MTARC2: variants seen among roughly 807,000 people sequenced by gnomAD.
MTARC2 encodes the protein mitochondrial amidoxime reducing component 2, also known as MOCO sulphurase C-terminal domain containing 2.
Under a neutral mutation model 35.6 loss-of-function variants are expected in MTARC2, and 27 were observed. The observed-to-expected ratio is 0.76, with a 90% CI of 0.56 to 1.04. The LOEUF (loss-of-function observed/expected upper bound fraction) is 1.04. MTARC2 is among the 50% of genes least tolerant of loss of function. The pLI is 0.00. For synonymous variants in MTARC2, 158 were observed against 167.1 expected (o/e 0.95, Z 0.42); for missense variants, 412 against 432.5 (o/e 0.95, Z 0.42).
rs140866237 is a variant in MTARC2 at position 220,761,738 on chromosome 1, C to T, written c.527C>T (p.Ala176Val). Residue 176 changes from alanine (A) to valine (V), a missense_variant, in exon 3 of 8, where the codon GCG becomes GTG. Coordinates refer to ENST00000366913, the MANE Select transcript of MTARC2 (RefSeq NM_017898.5). ...KWFTNFLKTE[A>V]YRLVQFETNM... ...TTCACCAACTTCTTGAAAACTGAAG[C>T]GTATAGATTGGTTCAATTTGAGACA... is the stretch of plus-strand genomic sequence containing the variant. 87 of 1,614,034 alleles carry T rather than the reference C, an allele frequency of 5.4e-5. No homozygotes were observed. Among genetic ancestry groups the T allele is most frequent in the Non-Finnish European group, 6.4e-5 (76 of 1,179,980 alleles).
chr1:220,774,544 G>A (rs537047588), intron 4 of MTARC2, among the ~76,000 whole-genome samples: 3,616 of 152,312 alleles, frequency 0.024, 110 homozygotes, highest in African/African-American at 0.064. Flanking sequence ...ACCAGGAGCA[G>A]TGAAAGTGAG....
chr1:220,782,427 G>A (rs558555148), intron 7 of MTARC2, among the ~76,000 whole-genome samples: 2 of 152,122 alleles, frequency 1.3e-5, no homozygotes, highest in Non-Finnish European at 2.9e-5. Context: ...TGGTGACTGG[G>A]TCCTGAATCA....
intron 4 of MTARC2, among the ~76,000 whole-genome samples, chr1:220,772,446 A>G (rs1671771620): frequency 1.3e-5 from 2 of 152,240 alleles, no homozygotes; most frequent in African/African-American, 2.4e-5. Context: ...TTCTTAGTGT[A>G]TGGCATCCTG....
Position 220,748,786 on chromosome 1 carries a change from C to A in MTARC2, c.255C>A (p.Ser85Arg). Residue 85 changes from serine to arginine, a missense_variant, in exon 1 of 8, where the codon AGC becomes AGA. Transcript: ENST00000366913. ...EAECTAMGLR[S>R]GNLRDRFWLV... ...AGTGCACGGCCATGGGGCTGCGCAG[C>A]GGCAACCTGCGGGACAGGTACAGCA... The A allele has an allele frequency of 2.5e-6, 4 of 1,593,560 alleles. No individual in the cohort carries two copies. In the Middle Eastern group the frequency reaches 5.1e-4, roughly 202 times the overall value.
At chr1:220,762,854 T>G (rs1182027548) in intron 3 of MTARC2, 56 bp from the exon 4 acceptor site, 8 of 1,600,074 alleles carry the variant, frequency 5.0e-6, no homozygotes, top group Non-Finnish European at 6.0e-6. Flanking sequence ...GCTTTGTAGT[T>G]GGTCTAGGCC....
At position 220,772,700 on chromosome 1, in the gene MTARC2, T is replaced by TTGTG. The variant is rs371722709; in HGVS notation, c.751-7302_751-7299dup. The stretch of plus-strand genomic sequence containing the variant: ...CTGGGCAGGGTGTGTGTGTGTGTGT[T>TTGTG]TGTGTGTGTGTGTGTGTGTTTGGGG... On this transcript the variant is annotated intron_variant, in intron 4 of 7. Transcript: ENST00000366913. Among the ~76,000 whole-genome samples the TTGTG allele has an allele frequency of 7.5e-3, 1,118 of 148,708 alleles. 17 individuals carry two copies. Among genetic ancestry groups the TTGTG allele is most frequent in the African/African-American group, 0.026 (1,056 of 40,596 alleles).
chr1:220,780,055 T>A lies in MTARC2; in HGVS notation c.788T>A (p.Val263Glu), dbSNP rs1425227216. ...WDELLIGSVE[V>E]KKVMACPRCI... Reference sequence around the variant, plus strand: ...GAACTCCTAATTGGTAGTGTAGAAGTGAAAAAGGTAATGGCATGCCCCAGG... The same window carrying A: ...GAACTCCTAATTGGTAGTGTAGAAGAGAAAAAGGTAATGGCATGCCCCAGG... Residue 263 changes from valine to glutamate, a missense_variant, in exon 5 of 8, where the codon GTG becomes GAG. Transcript: ENST00000366913. The A allele has an allele frequency of 1.9e-6, 3 of 1,547,384 alleles. No homozygotes were observed. Among genetic ancestry groups the A allele is most frequent in the Non-Finnish European group, 2.6e-6 (3 of 1,156,900 alleles).
At chr1:220,778,554 C>A (rs1179896491) in intron 4 of MTARC2, among the ~76,000 whole-genome samples, 1 of 152,182 alleles carries the variant, frequency 6.6e-6, no homozygotes, top group Non-Finnish European at 1.5e-5. Flanking sequence ...TCTGTCCCGC[C>A]AGGTCCCACC....
chr1:220,768,329 G>GGA (rs1671641435), intron 4 of MTARC2, among the ~76,000 whole-genome samples: 1 of 152,198 alleles, frequency 6.6e-6, no homozygotes. Flanking sequence ...TGTACACATG[G>GGA]GAGAGTATTA....
intron 2 of MTARC2, among the ~76,000 whole-genome samples, chr1:220,760,707 C>A (rs1256658965): frequency 6.6e-6 from 1 of 152,126 alleles, no homozygotes; most frequent in Non-Finnish European, 1.5e-5. Context: ...GAAAACATTT[C>A]TTCACACTTG....
intron 1 of MTARC2, among the ~76,000 whole-genome samples, chr1:220,749,631 C>T (rs337187): frequency 6.6e-6 from 1 of 151,720 alleles, no homozygotes. Flanking sequence ...GGGTTTCACT[C>T]TGTTGACCAG....
chr1:220,778,510 A>G (rs917987075), intron 4 of MTARC2, among the ~76,000 whole-genome samples: 1 of 152,154 alleles, frequency 6.6e-6, no homozygotes, highest in Non-Finnish European at 1.5e-5. Context: ...GTGGTGCTAA[A>G]CCATTCATGA....
intron 4 of MTARC2, among the ~76,000 whole-genome samples, chr1:220,769,934 C>CAAAAAAAAAGAA (rs1671693351): frequency 1.6e-5 from 1 of 63,426 alleles, no homozygotes; most frequent in Non-Finnish European, 2.8e-5. Flanking sequence ...ACTAAAAATA[C>CAAAAAAAAAGAA]AAAAAAAAAA....
At position 220,748,702 on chromosome 1, in the gene MTARC2, G is replaced by A; in HGVS notation, c.171G>A (p.Val57=). Residue 57 remains valine (V), a synonymous_variant, in exon 1 of 8, where the codon GTG becomes GTA. Coordinates refer to ENST00000366913, the MANE Select transcript of MTARC2 (RefSeq NM_017898.5). ...RRRRLQQVGT[V]AKLWIYPVKS... ...GGCGGCTGCAGCAGGTGGGCACCGT[G>A]GCGAAGCTCTGGATCTACCCGGTGA... is the stretch of plus-strand genomic sequence containing the variant. The A allele has an allele frequency of 6.3e-7, 1 of 1,594,632 alleles. No homozygotes were observed. Among genetic ancestry groups the A allele is most frequent in the Non-Finnish European group, 8.5e-7 (1 of 1,171,262 alleles).
chr1:220,775,056 A>G (rs1439305146), intron 4 of MTARC2, among the ~76,000 whole-genome samples: 1 of 151,840 alleles, frequency 6.6e-6, no homozygotes, highest in Non-Finnish European at 1.5e-5. Context: ...TTTAAGTTTC[A>G]TACATCCAAT....
chr1:220,765,027 C>A (rs558395498), intron 4 of MTARC2, among the ~76,000 whole-genome samples: 1 of 152,108 alleles, frequency 6.6e-6, no homozygotes, highest in South Asian at 2.1e-4. Flanking sequence ...CAGTGTCAGA[C>A]GTGCTTTAGT....
At chr1:220,776,441 TATTA>T (rs570659711) in intron 4 of MTARC2, among the ~76,000 whole-genome samples, 6 of 152,126 alleles carry the variant, frequency 3.9e-5, no homozygotes, top group Non-Finnish European at 5.9e-5. Flanking sequence ...GTATATAATT[TATTA>T]TTTTAAATAA....
intron 1 of MTARC2, 144 bp from the exon 2 acceptor site, chr1:220,754,803 C>A: frequency 1.2e-6 from 1 of 812,672 alleles, no homozygotes; most frequent in Non-Finnish European, 1.9e-6. Flanking sequence ...ATCATTTGGC[C>A]AGACCTGGAT....
intron 4 of MTARC2, among the ~76,000 whole-genome samples, chr1:220,765,226 A>G (rs425473): frequency 0.35 from 53,740 of 151,924 alleles, 11,953 homozygotes; most frequent in East Asian, 0.75. Context: ...GGTGACAGGC[A>G]GTTGGGAGGC....
Sources: allele counts gnomAD v4.1 joint callset (sites outside exome capture counted in the v4.1 genomes callset), GRCh38; gene constraint gnomAD v4.1.1; transcripts MANE v1.5; gene names NCBI Gene and HGNC (gene_info 2026-07-23, HGNC 2026-07-21).